Variants in R3HCC1L observed in about 807,000 individuals in gnomAD.
R3HCC1L encodes R3H domain and coiled-coil containing 1 like, also known as coiled-coil domain-containing protein R3HCC1L.
R3HCC1L carries 51 observed loss-of-function variants against 59.9 expected under a neutral mutation model. That is an observed-to-expected ratio of 0.85 (90% confidence interval 0.68 to 1.07). R3HCC1L has a LOEUF of 1.07. Among genes scored for constraint, R3HCC1L ranks in the 50% least tolerant of loss-of-function variants. The probability of loss-of-function intolerance (pLI) is 0.00; values close to 1 mark genes in which losing one functional copy is unlikely to be tolerated. For synonymous variants in R3HCC1L, 322 were observed against 315.2 expected (o/e 1.02, Z -0.23); for missense variants, 965 against 933.0 (o/e 1.03, Z -0.45).
intron 4 of R3HCC1L, among the ~76,000 whole-genome samples, chr10:98,168,357 G>A (rs1848167390): frequency 6.6e-6 from 1 of 152,160 alleles, no homozygotes; most frequent in African/African-American, 2.4e-5. Flanking sequence ...AAAAGACTAA[G>A]CTGCGGACTG....
chr10:98,170,722 T>C (rs1368975673), intron 4 of R3HCC1L, among the ~76,000 whole-genome samples: 1 of 152,166 alleles, frequency 6.6e-6, no homozygotes, highest in East Asian at 1.9e-4. Context: ...AGTCCAGTCA[T>C]TGAAGTTGTG....
chr10:98,137,210 C>CA lies in R3HCC1L; in HGVS notation c.-268+2516dup, dbSNP rs954052490. Among the ~76,000 whole-genome samples, 265 of 144,512 alleles carry CA rather than the reference C, an allele frequency of 1.8e-3. No homozygotes were observed. The Middle Eastern group carries it at 0.029, about 16-fold the overall frequency. 94.8% of individuals were successfully genotyped at this position (144,512 alleles called of 152,430 possible). On this transcript the variant is annotated intron_variant, in intron 1 of 9. Transcript: ENST00000298999. ...TGGCGACAGAGCAAGACTCCCGTCT[C>CA]AAAAAAAAAAAAGTTTGTAAGCATT...
At chr10:98,143,588 T>C (rs976674354) in intron 1 of R3HCC1L, among the ~76,000 whole-genome samples, 2 of 152,218 alleles carry the variant, frequency 1.3e-5, no homozygotes, top group African/African-American at 4.8e-5. Flanking sequence ...AACACTTTGG[T>C]GAAGGACAGT....
intron 4 of R3HCC1L, among the ~76,000 whole-genome samples, chr10:98,204,310 CAGG>C (rs1852384818): frequency 6.6e-6 from 1 of 151,896 alleles, no homozygotes; most frequent in African/African-American, 2.4e-5. Context: ...GAGGCTGAGG[CAGG>C]AGAATAGCCT....
intron 4 of R3HCC1L, among the ~76,000 whole-genome samples, chr10:98,197,069 C>T (rs576490841): frequency 5.9e-5 from 9 of 152,222 alleles, no homozygotes; most frequent in Middle Eastern, 3.4e-3. Context: ...CCTACCTCAG[C>T]GTCCCAAGTA....
intron 4 of R3HCC1L, among the ~76,000 whole-genome samples, chr10:98,173,607 T>C (rs879335732): frequency 3.9e-5 from 6 of 152,156 alleles, no homozygotes; most frequent in African/African-American, 7.2e-5. Flanking sequence ...CATTAATTAC[T>C]GAAGAGGTGT....
chr10:98,235,663 T>A (rs1856853745), intron 8 of R3HCC1L, 143 bp downstream of exon 8: 1 of 751,972 alleles, frequency 1.3e-6, no homozygotes, highest in Admixed American at 3.4e-5. Context: ...AAAAAATAAA[T>A]AAAAGGGAAA....
chr10:98,162,698 C>G (rs200486295), intron 2 of R3HCC1L, among the ~76,000 whole-genome samples, 185 bp from the exon 3 acceptor site: 11 of 150,290 alleles, frequency 7.3e-5, no homozygotes, highest in African/African-American at 2.4e-4. Context: ...GTGTGTGTCT[C>G]TGTGTGTGTG....
At chr10:98,184,625 T>G (rs1270115396) in intron 4 of R3HCC1L, among the ~76,000 whole-genome samples, 2 of 152,234 alleles carry the variant, frequency 1.3e-5, no homozygotes, top group Non-Finnish European at 2.9e-5. Flanking sequence ...ATGACTGTAG[T>G]ACATTGCTGT....
At chr10:98,214,134 T>G (rs548708888) in intron 5 of R3HCC1L, among the ~76,000 whole-genome samples, 31 of 152,328 alleles carry the variant, frequency 2.0e-4, no homozygotes, top group Non-Finnish European at 3.4e-4. Context: ...ATAACATTTT[T>G]TCCTCAGAAT....
At chr10:98,231,732 G>C in intron 6 of R3HCC1L, 45 bp downstream of exon 6, 46 of 1,459,090 alleles carry the variant, frequency 3.2e-5, no homozygotes, top group Middle Eastern at 1.9e-4. Context: ...GTGAGATGAA[G>C]TCTTTAAAAA....
intron 4 of R3HCC1L, among the ~76,000 whole-genome samples, chr10:98,197,921 G>A (rs1205227418): frequency 6.6e-6 from 1 of 152,080 alleles, no homozygotes; most frequent in Non-Finnish European, 1.5e-5. Context: ...AAGTTTTGAG[G>A]GTGGTAATGG....
At chr10:98,159,506 C>G (rs548814020) in intron 2 of R3HCC1L, among the ~76,000 whole-genome samples, 1 of 152,310 alleles carries the variant, frequency 6.6e-6, no homozygotes, top group African/African-American at 2.4e-5. Flanking sequence ...TGAACTTTCA[C>G]TCACTAATTT....
At chr10:98,141,405 A>AT (rs1373339932) in intron 1 of R3HCC1L, among the ~76,000 whole-genome samples, 29 of 152,176 alleles carry the variant, frequency 1.9e-4, no homozygotes, top group African/African-American at 6.5e-4. Flanking sequence ...GAAAAACTTG[A>AT]TTTTAGGGGT....
chr10:98,148,643 T>A (rs1845879889), intron 1 of R3HCC1L, among the ~76,000 whole-genome samples: 1 of 152,210 alleles, frequency 6.6e-6, no homozygotes, highest in African/African-American at 2.4e-5. Flanking sequence ...AAAGTGATCA[T>A]AGGGTTTTTT....
chr10:98,212,460 C>T (rs139161809), intron 5 of R3HCC1L, among the ~76,000 whole-genome samples: 1 of 152,284 alleles, frequency 6.6e-6, no homozygotes, highest in East Asian at 1.9e-4. Flanking sequence ...TTTCCTGTGA[C>T]ATTTGAACCT....
chr10:98,199,107 A>T (rs1851765105), intron 4 of R3HCC1L, among the ~76,000 whole-genome samples: 1 of 152,082 alleles, frequency 6.6e-6, no homozygotes, highest in African/African-American at 2.4e-5. Context: ...AGCACATCTC[A>T]GTTTAGACTA....
chr10:98,154,270 A>C (rs978913144), intron 1 of R3HCC1L, among the ~76,000 whole-genome samples: 10 of 149,676 alleles, frequency 6.7e-5, no homozygotes, highest in Non-Finnish European at 1.5e-4. Flanking sequence ...CATTGTGGGG[A>C]GCCTCCCATT....
At chr10:98,223,672 G>T (rs1855323235) in intron 5 of R3HCC1L, among the ~76,000 whole-genome samples, 2 of 152,080 alleles carry the variant, frequency 1.3e-5, no homozygotes, top group South Asian at 2.1e-4. Context: ...GTTTTTCAAT[G>T]GCTTAGGCTG....
Sources: gnomAD v4.1 joint callset for allele counts (sites outside exome capture counted in the v4.1 genomes callset) on GRCh38, gnomAD v4.1.1 for gene constraint, MANE v1.5 for transcripts, NCBI Gene and HGNC (gene_info 2026-07-23, HGNC 2026-07-21) for gene names.